Variants in ULK4 observed in about 807,000 individuals in gnomAD.
ULK4 encodes unc-51 like kinase 4.
In ULK4, 133 loss-of-function variants were observed where a neutral mutation model predicts 160.6. The observed-to-expected ratio is 0.83, with a 90% CI of 0.72 to 0.96. The LOEUF (loss-of-function observed/expected upper bound fraction) is 0.96, where lower values mean the gene tolerates loss of function less well. Ranked by LOEUF, ULK4 falls within the 40% of genes least tolerant of loss-of-function variation. The pLI is 0.00. For synonymous variants in ULK4, 534 were observed against 539.8 expected (o/e 0.99, Z 0.15); for missense variants, 1,580 against 1,499.5 (o/e 1.05, Z -0.89).
At chr3:41,279,269 A>C (rs867884426) in intron 35 of ULK4, among the ~76,000 whole-genome samples, 120 of 121,748 alleles carry the variant, frequency 9.9e-4, no homozygotes, top group African/African-American at 2.4e-3. Context: ...AAAAAAAAAA[A>C]AAAAAACAAA....
At chr3:41,870,748 G>A (rs1697057751) in intron 17 of ULK4, among the ~76,000 whole-genome samples, 1 of 152,110 alleles carries the variant, frequency 6.6e-6, no homozygotes, top group South Asian at 2.1e-4. Context: ...AATCAATCAT[G>A]AGGAAGATCT....
intron 18 of ULK4, among the ~76,000 whole-genome samples, chr3:41,822,337 A>T (rs189966602): frequency 8.5e-5 from 13 of 152,340 alleles, no homozygotes; most frequent in Non-Finnish European, 8.8e-5. Flanking sequence ...AATGAGGCAA[A>T]TACATTTTCT....
At chr3:41,885,687 G>GTTT (rs765674796) in intron 16 of ULK4, among the ~76,000 whole-genome samples, 1 of 145,676 alleles carries the variant, frequency 6.9e-6, no homozygotes. Flanking sequence ...TTTTTAAAAA[G>GTTT]TTTTTTTTTT....
chr3:41,341,408 C>CA (rs2080681938), intron 35 of ULK4, among the ~76,000 whole-genome samples: 1 of 152,164 alleles, frequency 6.6e-6, no homozygotes, highest in South Asian at 2.1e-4. Context: ...TACACTCAAC[C>CA]ATGAGACTTG....
At chr3:41,617,978 C>T (rs752152432) in intron 30 of ULK4, among the ~76,000 whole-genome samples, 19 of 152,026 alleles carry the variant, frequency 1.2e-4, no homozygotes, top group Non-Finnish European at 2.8e-4. Context: ...GAGAAGCATA[C>T]ACAACTATCA....
At chr3:41,353,471 C>T (rs2080954228) in intron 35 of ULK4, among the ~76,000 whole-genome samples, 1 of 151,902 alleles carries the variant, frequency 6.6e-6, no homozygotes, top group Non-Finnish European at 1.5e-5. Flanking sequence ...TCAAGACCAC[C>T]CTGGGCAACA....
chr3:41,504,437 A>G (rs1357804752), intron 32 of ULK4, among the ~76,000 whole-genome samples: 2 of 152,214 alleles, frequency 1.3e-5, no homozygotes, highest in East Asian at 3.8e-4. Context: ...TGGAAATAAA[A>G]GCCATTTCTG....
chr3:41,435,211 A>C (rs2125850665), intron 34 of ULK4, among the ~76,000 whole-genome samples: 1 of 152,308 alleles, frequency 6.6e-6, no homozygotes, highest in East Asian at 1.9e-4. Flanking sequence ...CTGCATATGA[A>C]AGCACTCAGT....
chr3:41,655,473 C>T (rs894306321), intron 30 of ULK4, among the ~76,000 whole-genome samples: 1 of 151,928 alleles, frequency 6.6e-6, no homozygotes, highest in Non-Finnish European at 1.5e-5. Flanking sequence ...CACATGTATA[C>T]ATATGTAACA....
At chr3:41,590,632 T>C (rs2031226060) in intron 31 of ULK4, among the ~76,000 whole-genome samples, 1 of 151,458 alleles carries the variant, frequency 6.6e-6, no homozygotes, top group African/African-American at 2.4e-5. Flanking sequence ...AGGGACTCTG[T>C]CTCAAACAAA....
chr3:41,263,819 C>T (rs971214741), intron 35 of ULK4, among the ~76,000 whole-genome samples: 10 of 152,166 alleles, frequency 6.6e-5, no homozygotes, highest in African/African-American at 2.4e-4. Context: ...AAGGATCCTA[C>T]AAATATTAGC....
chr3:41,423,864 C>G (rs979593969), intron 34 of ULK4, among the ~76,000 whole-genome samples: 1 of 152,158 alleles, frequency 6.6e-6, no homozygotes, highest in Non-Finnish European at 1.5e-5. Flanking sequence ...TGGATCTATG[C>G]GACCCACAGA....
chr3:41,306,210 GGAGGGAGGTGGGGGC>G (rs2079927694), intron 35 of ULK4, among the ~76,000 whole-genome samples: 1 of 62,786 alleles, frequency 1.6e-5, no homozygotes, highest in Non-Finnish European at 2.7e-5. Context: ...ACCCCGCCCG[GGAGGGAGGTGGGGGC>G]GTCAGCCCCC....
chr3:41,889,986 G>A (rs1200747886), intron 16 of ULK4, among the ~76,000 whole-genome samples: 4 of 152,148 alleles, frequency 2.6e-5, no homozygotes. Context: ...TATGCTAAAT[G>A]ACAGAAGCTA....
intron 22 of ULK4, among the ~76,000 whole-genome samples, chr3:41,723,811 A>C (rs535286277): frequency 1.3e-5 from 2 of 152,362 alleles, no homozygotes; most frequent in South Asian, 4.1e-4. Context: ...GTAAATACTG[A>C]AACTTCATCT....
chr3:41,784,073 A>G (rs2039931046), intron 21 of ULK4, among the ~76,000 whole-genome samples: 1 of 152,140 alleles, frequency 6.6e-6, no homozygotes, highest in African/African-American at 2.4e-5. Context: ...ATAAAAAGGT[A>G]ATCAATTCCC....
intron 35 of ULK4, among the ~76,000 whole-genome samples, chr3:41,290,036 TG>T (rs1402841312): frequency 6.6e-6 from 1 of 152,028 alleles, no homozygotes. Context: ...CCACCACACC[TG>T]GCTAATTTTG....
chr3:41,349,440 A>G (rs544704390), intron 35 of ULK4, among the ~76,000 whole-genome samples: 2 of 152,260 alleles, frequency 1.3e-5, no homozygotes, highest in East Asian at 3.9e-4. Context: ...TTGACTTGGA[A>G]TGACAAAAGC....
At chr3:41,636,551 G>GA (rs1264780226) in intron 30 of ULK4, among the ~76,000 whole-genome samples, 1 of 150,530 alleles carries the variant, frequency 6.6e-6, no homozygotes, top group Non-Finnish European at 1.5e-5. Context: ...AAAAAAAAAA[G>GA]AAAAGAAGAG....
Sources: allele counts gnomAD v4.1 joint callset (sites outside exome capture counted in the v4.1 genomes callset), GRCh38; gene constraint gnomAD v4.1.1; transcripts MANE v1.5; gene names NCBI Gene and HGNC (gene_info 2026-07-23, HGNC 2026-07-21).